The following CAPN13 variants were observed in gnomAD, a reference collection of about 807,000 sequenced individuals.
The protein encoded by CAPN13 is calpain-13.
Under a neutral mutation model 98.4 loss-of-function variants are expected in CAPN13, and 90 were observed. That is an observed-to-expected ratio of 0.92 (90% CI 0.77 to 1.09). The LOEUF is 1.09. Among genes scored for constraint, CAPN13 ranks in the 50% least tolerant of loss-of-function variants. The pLI, the probability that CAPN13 is intolerant of heterozygous loss-of-function variation, is 0.00. For missense variants in CAPN13, 887 were observed against 841.3 expected, an observed-to-expected ratio of 1.05 and a Z score of -0.67; for synonymous variants, 330 against 305.5, an observed-to-expected ratio of 1.08 and a Z score of -0.84.
chr2:30,780,307 T>C (rs1285049694), intron 2 of CAPN13, among the ~76,000 whole-genome samples: 1 of 152,246 alleles, frequency 6.6e-6, no homozygotes, highest in African/African-American at 2.4e-5. Context: ...CAGCATAGCC[T>C]TGATGCCCAA....
chr2:30,797,047 A>G (rs1460853062), intron 1 of CAPN13, among the ~76,000 whole-genome samples: 5 of 152,184 alleles, frequency 3.3e-5, no homozygotes. Flanking sequence ...ATTGGCAAAA[A>G]TGTGCCAGAC....
chr2:30,801,101 G>A (rs770112191), intron 1 of CAPN13, among the ~76,000 whole-genome samples: 1 of 152,126 alleles, frequency 6.6e-6, no homozygotes, highest in Non-Finnish European at 1.5e-5. Flanking sequence ...CTTGAGAGCC[G>A]CTGTTTCAGA....
intron 4 of CAPN13, among the ~76,000 whole-genome samples, chr2:30,774,332 A>G (rs1673570299): frequency 6.6e-6 from 1 of 152,088 alleles, no homozygotes; most frequent in Non-Finnish European, 1.5e-5. Flanking sequence ...CTCAAAAGAA[A>G]AAGAATAGAA....
At chr2:30,804,217 T>C (rs1213735280) in intron 1 of CAPN13, among the ~76,000 whole-genome samples, 1 of 152,154 alleles carries the variant, frequency 6.6e-6, no homozygotes, top group African/African-American at 2.4e-5. Flanking sequence ...TTTGTTTGTT[T>C]TGAGACAGAG....
chr2:30,760,300 T>TACGCA (rs1558316771), intron 7 of CAPN13, among the ~76,000 whole-genome samples: 1 of 151,952 alleles, frequency 6.6e-6, no homozygotes, highest in African/African-American at 2.4e-5. Context: ...TTAGCCAGGA[T>TACGCA]GGATACGCAG....
chr2:30,782,663 G>A (rs1417610428), intron 2 of CAPN13, among the ~76,000 whole-genome samples: 1 of 152,212 alleles, frequency 6.6e-6, no homozygotes, highest in Non-Finnish European at 1.5e-5. Flanking sequence ...GGCCACAGGC[G>A]GGAAGCCACA....
rs1000607817 is a variant in CAPN13, at chr2:30,753,230, C to T, written c.942-32G>A. ...AAAACAGATATACATCACTCAGTGA[C>T]CAGGGGTTGTGTCCCCAGGGTGGGG... On this transcript the variant is annotated intron_variant, in intron 9 of 22. Transcript: ENST00000295055. 3 of 1,611,226 alleles carry T rather than the reference C, an allele frequency of 1.9e-6. No individual in the cohort carries two copies. The African/African-American group carries it at 4.0e-5, about 22-fold the overall frequency.
chr2:30,734,307 G>T, intron 19 of CAPN13, 142 bp downstream of exon 19: 1 of 655,160 alleles, frequency 1.5e-6, no homozygotes. Context: ...CAGGGTCAGT[G>T]TGAACTGGGG....
rs182586195 is a variant in CAPN13 at position 30,795,310 on chromosome 2, C to T, written c.-32-7953G>A. Among the ~76,000 whole-genome samples, 15 of 152,158 alleles carry T rather than the reference C, an allele frequency of 9.9e-5. No individual in the cohort carries two copies. The East Asian group carries it at 1.3e-3, about 14-fold the overall frequency. ...GAGTAGAATTTTTGGGTTTAGGAAA[C>T]GCACATACTCAACGTCACTAAGTAT... On this transcript the variant is annotated intron_variant, in intron 1 of 22. Transcript: ENST00000295055.
In CAPN13 at chr2:30,762,145, G is replaced by C. The variant is rs569201636; in HGVS notation, c.774+937C>G. Among the ~76,000 whole-genome samples the C allele has an allele frequency of 5.2e-4, 79 of 152,332 alleles. 1 individual carries two copies. The highest frequency in any genetic ancestry group is 1.9e-3 in the African/African-American group (78 of 41,578). ...TGTAGACGGACACTAAAGAGACAGA[G>C]TGTCCAGGCCAGCTGTCTCTCAGAT... is the stretch of plus-strand genomic sequence containing the variant. On this transcript the variant is annotated intron_variant, in intron 7 of 22. Coordinates refer to ENST00000295055, the MANE Select transcript of CAPN13 (RefSeq NM_144575.3).
chr2:30,746,877 G>A (rs1305281104), intron 11 of CAPN13, among the ~76,000 whole-genome samples: 1 of 152,176 alleles, frequency 6.6e-6, no homozygotes, highest in African/African-American at 2.4e-5. Flanking sequence ...GTATTCTTTG[G>A]TCAGCCCTGA....
intron 4 of CAPN13, 103 bp downstream of exon 4, chr2:30,775,826 CT>C: frequency 1.5e-6 from 1 of 663,792 alleles, no homozygotes; most frequent in Non-Finnish European, 2.3e-6. Context: ...ACAACTGTCA[CT>C]TTCATCTCAG....
intron 2 of CAPN13, among the ~76,000 whole-genome samples, chr2:30,782,936 G>A (rs1674065979): frequency 1.3e-5 from 2 of 152,128 alleles, no homozygotes; most frequent in Non-Finnish European, 2.9e-5. Flanking sequence ...TAATCCCTCA[G>A]TTGCATCAGT....
intron 5 of CAPN13, among the ~76,000 whole-genome samples, chr2:30,764,561 G>A (rs1422799889): frequency 6.6e-6 from 1 of 152,174 alleles, no homozygotes; most frequent in East Asian, 1.9e-4. Flanking sequence ...CAGCACTGAC[G>A]AGAGGCTGGG....
intron 7 of CAPN13, among the ~76,000 whole-genome samples, chr2:30,758,553 C>G (rs567643523): frequency 6.6e-6 from 1 of 152,124 alleles, no homozygotes; most frequent in Non-Finnish European, 1.5e-5. Flanking sequence ...GATTCTCTGC[C>G]GGCAGCCCAG....
At chr2:30,761,794 C>T (rs753308658) in intron 7 of CAPN13, among the ~76,000 whole-genome samples, 16 of 152,136 alleles carry the variant, frequency 1.1e-4, no homozygotes, top group Non-Finnish European at 2.1e-4. Context: ...GTGATTGGGA[C>T]ACCGATCAAA....
At chr2:30,801,533 A>G (rs953297816) in intron 1 of CAPN13, among the ~76,000 whole-genome samples, 15 of 139,760 alleles carry the variant, frequency 1.1e-4, no homozygotes, top group Admixed American at 7.7e-5. Context: ...TGAACCCGGG[A>G]GGCGGAGGTT....
intron 8 of CAPN13, 41 bp from the exon 9 acceptor site, chr2:30,754,405 T>C (rs1259337313): frequency 6.4e-7 from 1 of 1,553,006 alleles, no homozygotes. Context: ...GATTTTCCAG[T>C]GCATTTTTTC....
chr2:30,746,884 C>G (rs979739316), intron 11 of CAPN13, among the ~76,000 whole-genome samples: 5 of 152,120 alleles, frequency 3.3e-5, no homozygotes, highest in African/African-American at 1.2e-4. Flanking sequence ...TTGGTCAGCC[C>G]TGAAAGGTGT....
Sources: gnomAD v4.1 joint callset for allele counts (sites outside exome capture counted in the v4.1 genomes callset) on GRCh38, gnomAD v4.1.1 for gene constraint, MANE v1.5 for transcripts, NCBI Gene and HGNC (gene_info 2026-07-23, HGNC 2026-07-21) for gene names.